Variants in GRIP1 observed in about 807,000 individuals in gnomAD.
GRIP1 encodes the protein glutamate receptor interacting protein 1.
GRIP1 carries 45 observed loss-of-function variants against 129.9 expected under a neutral mutation model. The observed-to-expected ratio is 0.35, with a 90% CI of 0.27 to 0.44. The LOEUF is 0.44. GRIP1 is among the 20% of genes least tolerant of loss of function. The pLI is 1.00. For missense variants in GRIP1, 1,196 were observed against 1,396.8 expected, an observed-to-expected ratio of 0.86 and a Z score of 2.29; for synonymous variants, 530 against 520.8, an observed-to-expected ratio of 1.02 and a Z score of -0.24.
chr12:66,830,799 A>G (rs2039502488), intron 1 of GRIP1, among the ~76,000 whole-genome samples: 1 of 151,748 alleles, frequency 6.6e-6, no homozygotes, highest in African/African-American at 2.4e-5. Flanking sequence ...AAATCCAGGT[A>G]ACCAACTCCA....
intron 1 of GRIP1, among the ~76,000 whole-genome samples, chr12:66,913,340 A>C (rs538918192): frequency 6.6e-6 from 1 of 152,318 alleles, no homozygotes; most frequent in East Asian, 1.9e-4. Context: ...TTAATGTCTT[A>C]TGGAATACAG....
intron 1 of GRIP1, among the ~76,000 whole-genome samples, chr12:66,871,030 G>C (rs1395260996): frequency 6.6e-6 from 1 of 152,050 alleles, no homozygotes; most frequent in Non-Finnish European, 1.5e-5. Context: ...ATCCTTCTGA[G>C]ACTTACTTTT....
At chr12:66,589,688 T>G (rs1013180384) in intron 2 of GRIP1, among the ~76,000 whole-genome samples, 6 of 152,162 alleles carry the variant, frequency 3.9e-5, no homozygotes, top group African/African-American at 1.2e-4. Context: ...TAAAGAAGTA[T>G]ACCAATTTAA....
intron 4 of GRIP1, among the ~76,000 whole-genome samples, chr12:66,533,262 C>G (rs918108102): frequency 7.2e-5 from 11 of 151,958 alleles, no homozygotes; most frequent in Admixed American, 3.3e-4. Flanking sequence ...TCTTAAACTC[C>G]TGGGCTCAAG....
chr12:66,450,185 T>C (rs1011445338), intron 11 of GRIP1, among the ~76,000 whole-genome samples: 1 of 151,362 alleles, frequency 6.6e-6, no homozygotes, highest in Admixed American at 6.6e-5. Flanking sequence ...GCGCCTGTAG[T>C]CCCAGCTACT....
chr12:67,022,721 TA>T (rs2042886299), intron 1 of GRIP1, among the ~76,000 whole-genome samples: 1 of 152,214 alleles, frequency 6.6e-6, no homozygotes. Flanking sequence ...TTTCAACTTT[TA>T]TTTTAGCTAC....
At chr12:66,792,782 A>G (rs1265455134) in intron 1 of GRIP1, among the ~76,000 whole-genome samples, 1 of 152,186 alleles carries the variant, frequency 6.6e-6, no homozygotes, top group Non-Finnish European at 1.5e-5. Flanking sequence ...GTCTGAGAAA[A>G]TTACAACACT....
At chr12:66,582,570 A>C (rs2063436061) in intron 2 of GRIP1, among the ~76,000 whole-genome samples, 2 of 139,118 alleles carry the variant, frequency 1.4e-5, no homozygotes, top group African/African-American at 5.3e-5. Flanking sequence ...TCAGGATACA[A>C]AATCAACGTA....
chr12:66,391,914 T>G (rs913901532), intron 19 of GRIP1, among the ~76,000 whole-genome samples: 1 of 152,032 alleles, frequency 6.6e-6, no homozygotes, highest in Non-Finnish European at 1.5e-5. Flanking sequence ...TTGGCTAATC[T>G]CTTATGCACC....
At chr12:66,877,166 G>A (rs558605946) in intron 1 of GRIP1, among the ~76,000 whole-genome samples, 3 of 152,060 alleles carry the variant, frequency 2.0e-5, no homozygotes, top group Non-Finnish European at 2.9e-5. Context: ...ACCTGTAACC[G>A]ACAGCATTTG....
chr12:66,843,350 A>G (rs1024622538), intron 1 of GRIP1, among the ~76,000 whole-genome samples: 11 of 152,080 alleles, frequency 7.2e-5, no homozygotes, highest in Admixed American at 7.2e-4. Context: ...TGAGAATGAA[A>G]TTGAATGTGA....
intron 7 of GRIP1, among the ~76,000 whole-genome samples, chr12:66,511,187 C>A (rs971990110): frequency 6.6e-6 from 1 of 152,140 alleles, no homozygotes; most frequent in African/African-American, 2.4e-5. Context: ...AGTTTCCCTG[C>A]ACAAGTTCTC....
chr12:66,996,975 A>T (rs1288137602), intron 1 of GRIP1, among the ~76,000 whole-genome samples: 1 of 152,162 alleles, frequency 6.6e-6, no homozygotes, highest in African/African-American at 2.4e-5. Flanking sequence ...TTCCCCACAC[A>T]GCATCGAGCT....
rs147541616 is a variant in GRIP1, at chr12:66,708,534, T to C, written c.-419-78198A>G. On this transcript the variant is annotated intron_variant, in intron 1 of 4. Transcript: ENST00000538373. ...GCCTAGGTAGAAAATTAAAACAGTA[T>C]GTCAGGTAGAAAAAGAGAATATAGA... Among the ~76,000 whole-genome samples the C allele has an allele frequency of 6.6e-5, 10 of 152,052 alleles. No homozygotes were observed. The East Asian group carries it at 1.9e-3, about 30-fold the overall frequency.
chr12:66,854,534 G>T (rs2039970644), intron 1 of GRIP1, among the ~76,000 whole-genome samples: 1 of 151,936 alleles, frequency 6.6e-6, no homozygotes, highest in African/African-American at 2.4e-5. Context: ...TATATGCCAG[G>T]TTCTTATAAT....
chr12:66,645,052 T>C (rs1463343130), intron 1 of GRIP1, among the ~76,000 whole-genome samples: 2 of 152,226 alleles, frequency 1.3e-5, no homozygotes, highest in Non-Finnish European at 2.9e-5. Flanking sequence ...TTATGGTCAA[T>C]CAACCACAAA....
chr12:66,454,920 G>T (rs546300657), intron 11 of GRIP1, among the ~76,000 whole-genome samples: 15 of 152,250 alleles, frequency 9.9e-5, no homozygotes, highest in Middle Eastern at 6.8e-3. Flanking sequence ...TTTTGGGGAG[G>T]AGGGTAACAA....
intron 1 of GRIP1, among the ~76,000 whole-genome samples, chr12:67,050,728 C>T (rs2043330995): frequency 6.6e-6 from 1 of 152,126 alleles, no homozygotes; most frequent in Non-Finnish European, 1.5e-5. Context: ...AACTACATTA[C>T]CCTACAAGAT....
At chr12:66,667,543 A>T (rs1287949191) in intron 1 of GRIP1, among the ~76,000 whole-genome samples, 1 of 152,210 alleles carries the variant, frequency 6.6e-6, no homozygotes, top group Admixed American at 6.5e-5. Flanking sequence ...AGCTGGTGTG[A>T]GTTATAGCAC....
Sources: gnomAD v4.1 joint callset for allele counts (sites outside exome capture counted in the v4.1 genomes callset) on GRCh38, gnomAD v4.1.1 for gene constraint, MANE v1.5 for transcripts, NCBI Gene and HGNC (gene_info 2026-07-23, HGNC 2026-07-21) for gene names.